STS: variants seen among roughly 807,000 people sequenced by gnomAD.
STS encodes the protein steroid sulfatase.
In STS, 7 loss-of-function variants were observed where a neutral mutation model predicts 26.8. That is an observed-to-expected ratio of 0.26 (90% CI 0.15 to 0.49). The LOEUF is 0.49. Among genes scored for constraint, STS ranks in the 20% least tolerant of loss-of-function variants. The pLI, the probability that STS is intolerant of heterozygous loss-of-function variation, is 0.98. For missense variants in STS, 434 were observed against 465.6 expected (o/e 0.93, Z 0.63); for synonymous variants, 199 against 189.4 (o/e 1.05, Z -0.42).
At chrX:7,349,145 C>CTT (rs200409187) in intron 10 of STS, among the ~76,000 whole-genome samples, 1 of 80,572 alleles carries the variant, frequency 1.2e-5, no homozygotes. Context: ...CCACACCCAG[C>CTT]TTTTTTTTTT....
intron 7 of STS, among the ~76,000 whole-genome samples, chrX:7,291,192 T>A (rs1925398957): frequency 9.0e-6 from 1 of 111,504 alleles, no homozygotes; most frequent in African/African-American, 3.3e-5. Context: ...ACAAGCCTCG[T>A]GGAGTAGAAA....
At position 7,148,156 on chromosome X, in the gene STS, G is replaced by A. The variant is rs1429697059; in HGVS notation, c.-134+73G>A. 5.2e-6 allele frequency: 5 copies of A among 955,056 alleles called. No homozygotes were observed. The Admixed American group carries it at 1.3e-4, about 24-fold the overall frequency. The allele number at this position is 955,056 out of a possible 1,213,427, so 78.7% of individuals were successfully genotyped here. A position where few individuals can be genotyped will look rare whatever the true frequency, so the allele number is the denominator to read the frequency against. Reference sequence around the variant, plus strand: ...CTGGGTGGGGGCGAGGAGGAAGTGCGCGCGCACCCGCCCGCCCCGCGCACG... The same window carrying A: ...CTGGGTGGGGGCGAGGAGGAAGTGCACGCGCACCCGCCCGCCCCGCGCACG... On this transcript the variant is annotated intron_variant, in intron 1 of 10. Coordinates refer to ENST00000674429, the MANE Select transcript of STS (RefSeq NM_001320752.2).
chrX:7,307,735 G>A (rs566641303), intron 8 of STS, among the ~76,000 whole-genome samples: 1 of 111,694 alleles, frequency 9.0e-6, no homozygotes, highest in Admixed American at 9.5e-5. Flanking sequence ...GCCTGTGGGC[G>A]TGGCTTCCTC....
chrX:7,336,024 G>A lies in STS; in HGVS notation c.1363+1917G>A, dbSNP rs112440449. Among the ~76,000 whole-genome samples, 366 of 111,852 alleles carry A rather than the reference G, an allele frequency of 3.3e-3. 2 individuals carry two copies. Among genetic ancestry groups the A allele is most frequent in the African/African-American group, 0.012 (354 of 30,761 alleles). ...TTGGTTACTGTAGCCTTGTAGTATA[G>A]TTTGAAGTCAGGTAGCGTGAAACTT... On this transcript the variant is annotated intron_variant, in intron 10 of 10. Transcript: ENST00000674429.
chrX:7,164,039 G>T (rs941246381), intron 1 of STS, among the ~76,000 whole-genome samples: 1 of 111,073 alleles, frequency 9.0e-6, no homozygotes, highest in Non-Finnish European at 1.9e-5. Flanking sequence ...GGCCAGGCTG[G>T]TCTTAAACTC....
chrX:7,318,261 A>T (rs1307814380), intron 8 of STS, among the ~76,000 whole-genome samples: 2 of 111,518 alleles, frequency 1.8e-5, no homozygotes, highest in Non-Finnish European at 3.8e-5. Context: ...CTGCTCGATG[A>T]TAATGTGAGT....
chrX:7,196,456 G>A (rs969980941), intron 2 of STS, among the ~76,000 whole-genome samples: 32 of 111,110 alleles, frequency 2.9e-4, no homozygotes, highest in African/African-American at 4.9e-4. Flanking sequence ...TAATTCTTAC[G>A]CCAAAGAAGC....
intron 8 of STS, among the ~76,000 whole-genome samples, chrX:7,307,615 G>C (rs1295271305): frequency 8.9e-6 from 1 of 112,052 alleles, no homozygotes; most frequent in Non-Finnish European, 1.9e-5. Context: ...TCCCAAAGAA[G>C]GGCGCCCACA....
chrX:7,172,049 C>G (rs1011722394), intron 1 of STS, among the ~76,000 whole-genome samples: 6 of 111,981 alleles, frequency 5.4e-5, no homozygotes, highest in Non-Finnish European at 9.4e-5. Context: ...AAGTGAGATT[C>G]TTCAAGCCCA....
intron 2 of STS, among the ~76,000 whole-genome samples, chrX:7,214,245 CTGAT>C (rs1463398307): frequency 1.8e-5 from 2 of 112,180 alleles, no homozygotes; most frequent in Non-Finnish European, 1.9e-5. Flanking sequence ...TATTTTTTGA[CTGAT>C]TGCGGAGGGG....
intron 1 of STS, among the ~76,000 whole-genome samples, chrX:7,178,418 A>C (rs1488133090): frequency 9.0e-6 from 1 of 111,615 alleles, no homozygotes; most frequent in Non-Finnish European, 1.9e-5. Context: ...AATGAAGGGA[A>C]TTTTAGCTCC....
chrX:7,273,104 C>T (rs1924365232), intron 6 of STS, among the ~76,000 whole-genome samples: 1 of 111,644 alleles, frequency 9.0e-6, no homozygotes, highest in Non-Finnish European at 1.9e-5. Context: ...GAGCTGAGAT[C>T]ATGCCACTGC....
chrX:7,302,466 A>C (rs1173794378), intron 7 of STS, among the ~76,000 whole-genome samples: 1 of 111,824 alleles, frequency 8.9e-6, no homozygotes, highest in Non-Finnish European at 1.9e-5. Context: ...CTGCCTGATC[A>C]TGATTTATCA....
chrX:7,244,482 T>TA (rs1922771603), intron 2 of STS, among the ~76,000 whole-genome samples: 1 of 111,721 alleles, frequency 9.0e-6, no homozygotes, highest in African/African-American at 3.3e-5. Flanking sequence ...TCTGCCTACA[T>TA]ACAGGAGCAG....
chrX:7,240,073 A>G (rs2017591), intron 2 of STS, among the ~76,000 whole-genome samples: 38,775 of 107,805 alleles, frequency 0.36, 5,256 homozygotes, highest in East Asian at 0.4. Context: ...TTTAGTAGAG[A>G]CACGGTTTCA....
At chrX:7,311,114 G>A (rs1431151424) in intron 8 of STS, among the ~76,000 whole-genome samples, 1 of 110,533 alleles carries the variant, frequency 9.0e-6, no homozygotes, top group African/African-American at 3.3e-5. Context: ...TATTTTCTAA[G>A]TTTATCTGAC....
At chrX:7,291,484 A>G (rs1925414545) in intron 7 of STS, among the ~76,000 whole-genome samples, 1 of 112,397 alleles carries the variant, frequency 8.9e-6, no homozygotes, top group Non-Finnish European at 1.9e-5. Flanking sequence ...TGCAAAATGG[A>G]TCTTGTTCAT....
intron 3 of STS, among the ~76,000 whole-genome samples, chrX:7,254,831 C>T (rs1033584042): frequency 9.1e-6 from 1 of 110,494 alleles, no homozygotes; most frequent in South Asian, 3.9e-4. Context: ...GATCCACCTG[C>T]CTCGGCCTCC....
At chrX:7,343,394 T>C (rs991378733) in intron 10 of STS, among the ~76,000 whole-genome samples, 4 of 112,595 alleles carry the variant, frequency 3.6e-5, no homozygotes, top group Non-Finnish European at 5.6e-5. Flanking sequence ...AACTGAATTG[T>C]TTCTTGCGTA....
Sources: gnomAD v4.1 joint callset for allele counts (sites outside exome capture counted in the v4.1 genomes callset) on GRCh38, gnomAD v4.1.1 for gene constraint, MANE v1.5 for transcripts, NCBI Gene and HGNC (gene_info 2026-07-23, HGNC 2026-07-21) for gene names.